The following ALOX5 variants were observed in gnomAD, a reference collection of about 807,000 sequenced individuals.
ALOX5 encodes the protein polyunsaturated fatty acid 5-lipoxygenase.
In ALOX5, 64 loss-of-function variants were observed where a neutral mutation model predicts 87.9. The ratio of observed to expected loss-of-function variants is 0.73; its 90% CI spans 0.60 to 0.90. The LOEUF is 0.90. ALOX5 is among the 40% of genes least tolerant of loss of function. The pLI, the probability that ALOX5 is intolerant of heterozygous loss-of-function variation, is 0.00. For missense variants in ALOX5, 822 were observed against 907.5 expected, an observed-to-expected ratio of 0.91 and a Z score of 1.21; for synonymous variants, 388 against 355.1, an observed-to-expected ratio of 1.09 and a Z score of -1.04.
At chr10:45,386,483 A>T (rs972950045) in intron 2 of ALOX5, among the ~76,000 whole-genome samples, 1 of 151,916 alleles carries the variant, frequency 6.6e-6, no homozygotes, top group African/African-American at 2.4e-5. Context: ...AAATAAAAAT[A>T]AAATAAATAC....
rs1031493404 is a variant in ALOX5 at position 45,445,499 on chromosome 10, G to A, written c.1846-9G>A. Reference sequence around the variant, plus strand: ...TGACCTATGTGTGTGTCCATGTCTGGGCCCTCAGCTGTTCCTGGGCATGTA... The same window carrying A: ...TGACCTATGTGTGTGTCCATGTCTGAGCCCTCAGCTGTTCCTGGGCATGTA... On this transcript the variant is annotated splice_polypyrimidine_tract_variant and intron_variant, in intron 13 of 13. Coordinates refer to ENST00000374391, the MANE Select transcript of ALOX5 (RefSeq NM_000698.5). 5 of 1,611,032 alleles carry A rather than the reference G, an allele frequency of 3.1e-6. No homozygotes were observed. The African/African-American group carries it at 6.7e-5, about 22-fold the overall frequency.
intron 7 of ALOX5, among the ~76,000 whole-genome samples, chr10:45,437,182 G>A (rs190191514): frequency 7.2e-5 from 11 of 152,270 alleles, no homozygotes; most frequent in East Asian, 1.9e-4. Context: ...GTGAAACCCC[G>A]TCTCAATTAA....
intron 4 of ALOX5, among the ~76,000 whole-genome samples, chr10:45,414,008 T>C (rs978051842): frequency 7.9e-5 from 12 of 152,166 alleles, no homozygotes; most frequent in Non-Finnish European, 1.6e-4. Context: ...AAAATGGCCA[T>C]ACTCCCAAGG....
intron 4 of ALOX5, among the ~76,000 whole-genome samples, chr10:45,422,924 C>T (rs942282721): frequency 6.6e-6 from 1 of 152,208 alleles, no homozygotes; most frequent in African/African-American, 2.4e-5. Flanking sequence ...GTTCCCACAG[C>T]ATGGTCACGT....
At chr10:45,435,014 T>C (rs2132837887) in intron 7 of ALOX5, among the ~76,000 whole-genome samples, 1 of 152,258 alleles carries the variant, frequency 6.6e-6, no homozygotes, top group Admixed American at 6.5e-5. Context: ...AAAACAAATT[T>C]AAGAAACACA....
intron 2 of ALOX5, among the ~76,000 whole-genome samples, chr10:45,391,666 G>A (rs1002705744): frequency 6.6e-6 from 1 of 150,402 alleles, no homozygotes; most frequent in Non-Finnish European, 1.5e-5. Flanking sequence ...CTGCCTGGCC[G>A]CCCATCGTCT....
At chr10:45,409,005 T>C (rs924744894) in intron 3 of ALOX5, among the ~76,000 whole-genome samples, 1 of 152,214 alleles carries the variant, frequency 6.6e-6, no homozygotes, top group African/African-American at 2.4e-5. Context: ...AGTTTCTCTG[T>C]ACATAGTGAA....
intron 13 of ALOX5, 114 bp from the exon 14 acceptor site, chr10:45,445,394 G>A (rs1343661962): frequency 7.7e-7 from 1 of 1,303,174 alleles, no homozygotes; most frequent in Middle Eastern, 2.1e-4. Context: ...GAGGTGAATA[G>A]ATGCTCCCTC....
In ALOX5 at chr10:45,445,695, G is replaced by A; in HGVS notation, c.*8G>A. The A allele has an allele frequency of 6.2e-7, 1 of 1,600,234 alleles. No homozygotes were observed. The highest frequency in any genetic ancestry group is 2.2e-5 in the East Asian group (1 of 44,470). ...AACAGTGTGGCCATCTGAGCACACT[G>A]CCAGTCTCACTGTGGGAAGGCCAGC... is the stretch of plus-strand genomic sequence containing the variant. On this transcript the variant is annotated 3_prime_UTR_variant, in exon 14 of 14. Coordinates refer to ENST00000374391, the MANE Select transcript of ALOX5 (RefSeq NM_000698.5).
Position 45,443,239 on chromosome 10 carries a change from T to C in ALOX5, c.1451+23T>C, listed in dbSNP as rs28395863. On this transcript the variant is annotated intron_variant, in intron 10 of 13. Transcript: ENST00000374391. Reference sequence around the variant, plus strand: ...GACGTGAGCGCCCGCGGGGCGGTGGTCCTGGGGGAGGAGCCGGGACCCCTG... The same window carrying C: ...GACGTGAGCGCCCGCGGGGCGGTGGCCCTGGGGGAGGAGCCGGGACCCCTG... 1.6e-3 allele frequency: 2,614 copies of C among 1,606,902 alleles called. 39 individuals carry two copies. The African/African-American group carries it at 0.03, about 18-fold the overall frequency.
At chr10:45,395,241 T>C (rs1184591246) in intron 2 of ALOX5, among the ~76,000 whole-genome samples, 1 of 151,970 alleles carries the variant, frequency 6.6e-6, no homozygotes, top group Non-Finnish European at 1.5e-5. Context: ...ATTAAGAAAA[T>C]GTGGCACATA....
chr10:45,438,466 C>T (rs1245856403), intron 7 of ALOX5, among the ~76,000 whole-genome samples: 1 of 152,102 alleles, frequency 6.6e-6, no homozygotes, highest in Admixed American at 6.5e-5. Context: ...AACAGGGGGG[C>T]TCCTCGGCCC....
At chr10:45,443,625 G>T (rs1842322847) in intron 11 of ALOX5, 88 bp downstream of exon 11, 1 of 1,596,472 alleles carries the variant, frequency 6.3e-7, no homozygotes, top group African/African-American at 1.3e-5. Flanking sequence ...GTCCTGCCCA[G>T]GGTGCCCTCC....
At chr10:45,393,187 C>T (rs1362435030) in intron 2 of ALOX5, among the ~76,000 whole-genome samples, 4 of 152,118 alleles carry the variant, frequency 2.6e-5, no homozygotes, top group Non-Finnish European at 2.9e-5. Flanking sequence ...TGATGAACAT[C>T]GATGCAAAAA....
At chr10:45,378,151 T>C (rs1039768775) in intron 1 of ALOX5, among the ~76,000 whole-genome samples, 1 of 151,838 alleles carries the variant, frequency 6.6e-6, no homozygotes, top group African/African-American at 2.4e-5. Flanking sequence ...TGAAATCTGA[T>C]CAGCCCCTAA....
chr10:45,420,619 G>C (rs780475813), intron 4 of ALOX5, among the ~76,000 whole-genome samples: 1 of 152,242 alleles, frequency 6.6e-6, no homozygotes, highest in Non-Finnish European at 1.5e-5. Context: ...GGCCTTCCCC[G>C]TTAAACCTCT....
At chr10:45,426,205 T>C (rs1841698002) in intron 6 of ALOX5, among the ~76,000 whole-genome samples, 1 of 152,222 alleles carries the variant, frequency 6.6e-6, no homozygotes, top group South Asian at 2.1e-4. Flanking sequence ...ATCATAGAAC[T>C]TTAAGCCATA....
chr10:45,392,011 G>T (rs1031002955), intron 2 of ALOX5, among the ~76,000 whole-genome samples: 1 of 151,034 alleles, frequency 6.6e-6, no homozygotes, highest in African/African-American at 2.5e-5. Context: ...CCCCCCGCCC[G>T]GCCAGCCGCC....
chr10:45,443,989 G>A, intron 12 of ALOX5, 127 bp from the exon 13 acceptor site: 1 of 1,435,518 alleles, frequency 7.0e-7, no homozygotes, highest in Admixed American at 2.5e-5. Context: ...CGCTGGCCGC[G>A]GGGAAAGAGG....
Sources: allele counts gnomAD v4.1 joint callset (sites outside exome capture counted in the v4.1 genomes callset), GRCh38; gene constraint gnomAD v4.1.1; transcripts MANE v1.5; gene names NCBI Gene and HGNC (gene_info 2026-07-23, HGNC 2026-07-21).